SAFB: variants seen among roughly 807,000 people sequenced by gnomAD.
SAFB encodes the protein scaffold attachment factor B.
Under a neutral mutation model 101.6 loss-of-function variants are expected in SAFB, and 15 were observed. The observed-to-expected ratio is 0.15, with a 90% CI of 0.10 to 0.23. SAFB has a LOEUF of 0.23. Among genes scored for constraint, SAFB ranks in the 10% least tolerant of loss-of-function variants. The probability of loss-of-function intolerance (pLI) is 1.00; values close to 1 mark genes in which losing one functional copy is unlikely to be tolerated. For synonymous variants in SAFB, 449 were observed against 407.5 expected, an observed-to-expected ratio of 1.10 and a Z score of -1.23; for missense variants, 930 against 1,104.1, an observed-to-expected ratio of 0.84 and a Z score of 2.23.
intron 11 of SAFB, among the ~76,000 whole-genome samples, chr19:5,653,787 C>G (rs965647003): frequency 6.6e-6 from 1 of 151,860 alleles, no homozygotes; most frequent in African/African-American, 2.4e-5. Flanking sequence ...TAAACAGAAT[C>G]TCACTCTGTT....
chr19:5,635,611 A>G (rs1216257884), intron 2 of SAFB, among the ~76,000 whole-genome samples: 1 of 152,166 alleles, frequency 6.6e-6, no homozygotes, highest in Non-Finnish European at 1.5e-5. Flanking sequence ...TAATCAAATC[A>G]GAAAGTAATG....
intron 15 of SAFB, among the ~76,000 whole-genome samples, chr19:5,663,470 C>A (rs540006229): frequency 1.3e-5 from 2 of 152,308 alleles, no homozygotes; most frequent in African/African-American, 4.8e-5. Flanking sequence ...CTTTCTATTG[C>A]ATGGGTTGAA....
intron 9 of SAFB, among the ~76,000 whole-genome samples, chr19:5,652,622 A>G (rs1315107148): frequency 1.3e-5 from 2 of 152,208 alleles, no homozygotes; most frequent in Non-Finnish European, 2.9e-5. Flanking sequence ...GGATGTGTCT[A>G]CAGTAACTGA....
intron 2 of SAFB, among the ~76,000 whole-genome samples, chr19:5,631,986 G>T (rs2053499982): frequency 6.6e-6 from 1 of 152,172 alleles, no homozygotes; most frequent in African/African-American, 2.4e-5. Context: ...ATTTGAGGTT[G>T]CAGTGAACCA....
At position 5,653,129 on chromosome 19, in the gene SAFB, G is replaced by A; in HGVS notation, c.1308G>A (p.Lys436=). Residue 436 remains lysine, a synonymous_variant, in exon 10 of 21, where the codon AAG becomes AAA. Transcript: ENST00000588852. The part of the protein sequence containing the change: ...FSKYGKVVGA[K]VVTNARSPGA... ...TTTCCTTTGAGGTGGTGGGCGCCAA[G>A]GTTGTGACAAATGCCCGGAGTCCTG... 1 of 1,613,844 alleles carries A rather than the reference G, an allele frequency of 6.2e-7. No homozygotes were observed. Among genetic ancestry groups the A allele is most frequent in the Non-Finnish European group, 8.5e-7 (1 of 1,180,022 alleles).
At chr19:5,638,714 CTTTTTTTTTTT>C (rs758543978) in intron 2 of SAFB, among the ~76,000 whole-genome samples, 8 of 116,366 alleles carry the variant, frequency 6.9e-5, no homozygotes, top group South Asian at 2.9e-4. Flanking sequence ...TAATCTTAGT[CTTTTTTTTTTT>C]TTTTTTTTTT....
intron 9 of SAFB, among the ~76,000 whole-genome samples, chr19:5,652,422 GTTAA>G (rs2053960081): frequency 6.6e-6 from 1 of 152,138 alleles, no homozygotes; most frequent in South Asian, 2.1e-4. Flanking sequence ...CCTGATGTGG[GTTAA>G]TTAGAGGACC....
At chr19:5,644,906 C>T (rs1239430829) in intron 4 of SAFB, among the ~76,000 whole-genome samples, 3 of 152,206 alleles carry the variant, frequency 2.0e-5, no homozygotes, top group Non-Finnish European at 4.4e-5. Context: ...ACCCCAGGGG[C>T]AGCAGGTCCC....
At chr19:5,632,135 A>G (rs906281475) in intron 2 of SAFB, among the ~76,000 whole-genome samples, 8 of 152,198 alleles carry the variant, frequency 5.3e-5, no homozygotes, top group Non-Finnish European at 7.3e-5. Flanking sequence ...ATGGTGTTTG[A>G]GAATGTTTTG....
intron 4 of SAFB, among the ~76,000 whole-genome samples, chr19:5,643,353 G>A (rs1042135399): frequency 4.6e-5 from 7 of 152,060 alleles, no homozygotes; most frequent in African/African-American, 1.2e-4. Context: ...CAGTCAATCC[G>A]CTTCTGCATT....
chr19:5,663,005 A>G (rs1327360304), intron 15 of SAFB, among the ~76,000 whole-genome samples: 1 of 150,434 alleles, frequency 6.6e-6, no homozygotes, highest in Non-Finnish European at 1.5e-5. Flanking sequence ...AAGAATTAAA[A>G]AAAAATTTTT....
chr19:5,625,818 A>T (rs554150317), intron 1 of SAFB, among the ~76,000 whole-genome samples: 88 of 152,306 alleles, frequency 5.8e-4, no homozygotes, highest in Middle Eastern at 6.8e-3. Context: ...TCGGTTGTGA[A>T]TGTACATGAT....
chr19:5,629,393 T>C (rs988593741), intron 2 of SAFB, among the ~76,000 whole-genome samples: 1 of 152,052 alleles, frequency 6.6e-6, no homozygotes, highest in African/African-American at 2.4e-5. Flanking sequence ...AGTGTGCTTC[T>C]ACACTCCAGC....
chr19:5,641,131 A>G (rs2053703079), intron 2 of SAFB, among the ~76,000 whole-genome samples: 1 of 151,960 alleles, frequency 6.6e-6, no homozygotes, highest in Non-Finnish European at 1.5e-5. Context: ...AGGCCTCCCA[A>G]AGTGCTGGGA....
At chr19:5,629,861 G>A (rs763592216) in intron 2 of SAFB, among the ~76,000 whole-genome samples, 1 of 152,140 alleles carries the variant, frequency 6.6e-6, no homozygotes, top group Non-Finnish European at 1.5e-5. Context: ...GGCCAACATG[G>A]CAAAACCCCA....
At chr19:5,635,369 A>T (rs1012601471) in intron 2 of SAFB, among the ~76,000 whole-genome samples, 1 of 152,234 alleles carries the variant, frequency 6.6e-6, no homozygotes. Context: ...ACTAACAATA[A>T]GATTTCATCT....
At chr19:5,627,130 T>C (rs558474448) in intron 2 of SAFB, among the ~76,000 whole-genome samples, 54 of 150,516 alleles carry the variant, frequency 3.6e-4, no homozygotes, top group Non-Finnish European at 7.4e-4. Context: ...ACCTAATGAT[T>C]GCACCACTGC....
intron 14 of SAFB, 66 bp downstream of exon 14, chr19:5,657,413 G>C: frequency 8.8e-7 from 1 of 1,137,530 alleles, no homozygotes; most frequent in Non-Finnish European, 1.3e-6. Context: ...TCTTCTGGAA[G>C]GATGTTTGCA....
intron 1 of SAFB, 137 bp from the exon 2 acceptor site, chr19:5,626,268 G>GTA: frequency 2.1e-5 from 12 of 559,978 alleles, no homozygotes; most frequent in African/African-American, 3.9e-5. Flanking sequence ...TGAGTGGATG[G>GTA]GCCACAGGTC....
Sources: allele counts gnomAD v4.1 joint callset (sites outside exome capture counted in the v4.1 genomes callset), GRCh38; gene constraint gnomAD v4.1.1; transcripts MANE v1.5; gene names NCBI Gene and HGNC (gene_info 2026-07-23, HGNC 2026-07-21).